The following MAPDA variants were observed in gnomAD, a reference collection of about 807,000 sequenced individuals.
MAPDA encodes N6-Methyl-AMP deaminase.
At chr15:43,351,719 T>TC in the MAPDA span, 3 of 1,499,294 alleles carry the variant, frequency 2.0e-6, no homozygotes, top group Middle Eastern at 1.7e-4. Flanking sequence ...CCTTCCTTTT[T>TC]CATTTTGAAA....
chr15:43,349,021 G>C, the MAPDA span: 4 of 1,614,214 alleles, frequency 2.5e-6, no homozygotes, highest in Non-Finnish European at 2.5e-6. Flanking sequence ...GGTGGACTTT[G>C]TGAGGCAACA....
At chr15:43,334,683 T>G in the MAPDA span, among the ~76,000 whole-genome samples, 1 of 93,022 alleles carries the variant, frequency 1.1e-5, no homozygotes, top group Non-Finnish European at 2.8e-5. Flanking sequence ...AAGTAGGCCT[T>G]ATAAAATTTT....
the MAPDA span, among the ~76,000 whole-genome samples, chr15:43,334,633 TTATATATATA>T: frequency 6.1e-3 from 398 of 65,150 alleles, 32 homozygotes; most frequent in Admixed American, 0.056. Context: ...CTCAAAAAAA[TTATATATATA>T]TATATATATA....
chr15:43,335,323 G>A, the MAPDA span, among the ~76,000 whole-genome samples: 5 of 152,274 alleles, frequency 3.3e-5, no homozygotes, highest in South Asian at 1.0e-3. Context: ...TTCACCTGAG[G>A]TCAGGAGTTT....
At chr15:43,335,206 T>A in the MAPDA span, 2 of 1,600,378 alleles carry the variant, frequency 1.2e-6, no homozygotes, top group Non-Finnish European at 1.7e-6. Context: ...GAGTGGTTGC[T>A]AATTATAATG....
chr15:43,334,918 T>C, the MAPDA span: 6 of 495,034 alleles, frequency 1.2e-5, no homozygotes, highest in African/African-American at 1.0e-4. Flanking sequence ...CTTTTACATC[T>C]GAAAATATTA....
the MAPDA span, among the ~76,000 whole-genome samples, chr15:43,350,099 C>T: frequency 6.6e-6 from 1 of 151,968 alleles, no homozygotes; most frequent in African/African-American, 2.4e-5. Flanking sequence ...GGGACGGAGT[C>T]GCTCTGTCAC....
At chr15:43,335,449 G>C in the MAPDA span, among the ~76,000 whole-genome samples, 11 of 152,192 alleles carry the variant, frequency 7.2e-5, no homozygotes, top group East Asian at 2.1e-3. Context: ...CAGGAGAATC[G>C]CTTGAACCCA....
chr15:43,331,599 A>G, the MAPDA span, among the ~76,000 whole-genome samples: 1 of 152,240 alleles, frequency 6.6e-6, no homozygotes, highest in African/African-American at 2.4e-5. Context: ...CGTATTTTCC[A>G]ATGTTTTCTT....
chr15:43,330,506 G>C, the MAPDA span: 1 of 1,512,592 alleles, frequency 6.6e-7, no homozygotes, highest in Non-Finnish European at 8.8e-7. Context: ...AAGAGACTCA[G>C]GAATGGCAGT....
At chr15:43,342,326 G>A in the MAPDA span, among the ~76,000 whole-genome samples, 1 of 151,672 alleles carries the variant, frequency 6.6e-6, no homozygotes, top group Non-Finnish European at 1.5e-5. Context: ...AGAGCACTCA[G>A]ACTTGGAAGA....
chr15:43,351,803 C>A, the MAPDA span: 1 of 1,551,460 alleles, frequency 6.4e-7, no homozygotes, highest in South Asian at 1.2e-5. Context: ...TACCAGCTGG[C>A]AGCTGAAACA....
the MAPDA span, among the ~76,000 whole-genome samples, chr15:43,331,258 G>C: frequency 6.6e-6 from 1 of 152,190 alleles, no homozygotes; most frequent in African/African-American, 2.4e-5. Flanking sequence ...AAGTAGTGTT[G>C]AATATGTCCC....
At chr15:43,334,829 C>T in the MAPDA span, 2 of 285,238 alleles carry the variant, frequency 7.0e-6, no homozygotes, top group Non-Finnish European at 1.3e-5. Context: ...AATCGTTTTC[C>T]CACCTTAGAC....
At chr15:43,346,763 A>C in the MAPDA span, among the ~76,000 whole-genome samples, 45 of 152,332 alleles carry the variant, frequency 3.0e-4, no homozygotes, top group South Asian at 3.9e-3. Context: ...GGTGACTACT[A>C]TATCCAGCTT....
the MAPDA span, among the ~76,000 whole-genome samples, chr15:43,347,349 C>T: frequency 6.6e-6 from 1 of 152,106 alleles, no homozygotes; most frequent in Non-Finnish European, 1.5e-5. Context: ...AGTTTAATGA[C>T]GTCTTGCTAG....
the MAPDA span, among the ~76,000 whole-genome samples, chr15:43,348,132 G>C: frequency 6.6e-6 from 1 of 152,162 alleles, no homozygotes; most frequent in Non-Finnish European, 1.5e-5. Flanking sequence ...ATTTAAAAAT[G>C]TTCTGAGCAT....
chr15:43,334,663 A>ATATATATATATATATATATATT, the MAPDA span, among the ~76,000 whole-genome samples: 1 of 125,364 alleles, frequency 8.0e-6, no homozygotes, highest in East Asian at 2.3e-4. Context: ...ATATATATAT[A>ATATATATATATATATATATATT]TTTTATCCAA....
the MAPDA span, among the ~76,000 whole-genome samples, chr15:43,347,886 C>G: frequency 1.3e-5 from 2 of 152,092 alleles, no homozygotes; most frequent in Non-Finnish European, 2.9e-5. Context: ...AATCTAGTGG[C>G]AGGACTTAAA....
Sources: allele counts gnomAD v4.1 joint callset (sites outside exome capture counted in the v4.1 genomes callset), GRCh38; gene constraint gnomAD v4.1.1; transcripts MANE v1.5; gene names NCBI Gene and HGNC (gene_info 2026-07-23, HGNC 2026-07-21).